Variants in MYO1D observed in about 807,000 individuals in gnomAD.
MYO1D encodes the protein unconventional myosin-Id.
A neutral mutation model predicts 122.0 loss-of-function variants in MYO1D; 83 were observed. That is an observed-to-expected ratio of 0.68 (90% CI 0.57 to 0.82). The LOEUF (loss-of-function observed/expected upper bound fraction) is 0.82. Ranked by LOEUF, MYO1D falls within the 40% of genes least tolerant of loss-of-function variation. The pLI is 0.00. For synonymous variants in MYO1D, 464 were observed against 446.9 expected (o/e 1.04, Z -0.48); for missense variants, 1,157 against 1,269.5 (o/e 0.91, Z 1.35).
Position 32,670,916 on chromosome 17 carries a change from G to A in MYO1D, c.2122-11578C>T, listed in dbSNP as rs552331491. 4.9e-4 allele frequency among the ~76,000 whole-genome samples: 74 copies of A among 152,250 alleles called. No individual in the cohort carries two copies. The South Asian group carries it at 0.015, about 32-fold the overall frequency. On this transcript the variant is annotated intron_variant, in intron 16 of 21. Transcript: ENST00000318217. ...ATGACCTCATTCTTCTTGGATGCAG[G>A]ACAAGAGCTTAGGACCAGATATTCA...
intron 21 of MYO1D, among the ~76,000 whole-genome samples, chr17:32,503,587 C>T (rs1909394367): frequency 6.6e-6 from 1 of 152,178 alleles, no homozygotes; most frequent in South Asian, 2.1e-4. Context: ...GCAATGTTCT[C>T]TCAAGTTTGG....
intron 17 of MYO1D, among the ~76,000 whole-genome samples, chr17:32,656,791 C>T (rs144138667): frequency 6.6e-6 from 1 of 152,220 alleles, no homozygotes; most frequent in Non-Finnish European, 1.5e-5. Flanking sequence ...TCTTACAATA[C>T]TCAGTGGCTT....
At chr17:32,785,278 T>G (rs1437761164) in intron 1 of MYO1D, among the ~76,000 whole-genome samples, 1 of 152,228 alleles carries the variant, frequency 6.6e-6, no homozygotes, top group Non-Finnish European at 1.5e-5. Context: ...GGTTGACTTC[T>G]TGAAATATAT....
chr17:32,803,721 A>G (rs1384080169), intron 1 of MYO1D, among the ~76,000 whole-genome samples: 2 of 152,228 alleles, frequency 1.3e-5, no homozygotes, highest in Non-Finnish European at 2.9e-5. Context: ...AGGATCCTGC[A>G]GTCAATTCTC....
At chr17:32,647,413 G>A (rs1436751688) in intron 19 of MYO1D, among the ~76,000 whole-genome samples, 2 of 152,196 alleles carry the variant, frequency 1.3e-5, no homozygotes. Flanking sequence ...ACATGAATAA[G>A]AATGCTTCAG....
At chr17:32,665,261 T>C (rs1360762082) in intron 16 of MYO1D, among the ~76,000 whole-genome samples, 2 of 152,078 alleles carry the variant, frequency 1.3e-5, no homozygotes, top group African/African-American at 4.8e-5. Context: ...GCTTTTTCTT[T>C]TTCCCCCAGC....
At chr17:32,867,644 A>C (rs1369526967) in intron 1 of MYO1D, among the ~76,000 whole-genome samples, 2 of 151,706 alleles carry the variant, frequency 1.3e-5, no homozygotes, top group East Asian at 3.9e-4. Context: ...TAAAAATGCA[A>C]AAATCAGCTG....
intron 20 of MYO1D, among the ~76,000 whole-genome samples, chr17:32,616,482 C>CT (rs552603493): frequency 0.51 from 68,818 of 135,522 alleles, 17,731 homozygotes; most frequent in African/African-American, 0.64. Context: ...TAATTAAAAA[C>CT]TTTTTTTTTT....
In MYO1D at chr17:32,760,321, TC is replaced by T; in HGVS notation, c.1264del (p.Glu422AsnfsTer40). 6.2e-7 allele frequency: 1 copy of T among 1,611,940 alleles called. No individual in the cohort carries two copies. The highest frequency in any genetic ancestry group is 8.5e-7 in the Non-Finnish European group (1 of 1,178,364). ...IQLVLKQEQE[E>X]YQREGIPWKH... Reference sequence around the variant, plus strand: ...CCAGGGGATCCCTTCCCGCTGGTATTCCTCTTGTTCTTGCTTCAGAACCAGC... The same window carrying T: ...CCAGGGGATCCCTTCCCGCTGGTATTCTCTTGTTCTTGCTTCAGAACCAGC... On this transcript the variant is annotated frameshift_variant, in exon 10 of 22. Transcript: ENST00000318217. LOFTEE classifies it high-confidence loss of function.
At chr17:32,655,971 G>A (rs911231876) in intron 17 of MYO1D, among the ~76,000 whole-genome samples, 4 of 152,166 alleles carry the variant, frequency 2.6e-5, no homozygotes, top group Non-Finnish European at 5.9e-5. Context: ...AGATGTGGGG[G>A]CCAGAGAGGA....
chr17:32,683,534 T>G (rs2088955795), intron 16 of MYO1D, among the ~76,000 whole-genome samples: 1 of 151,928 alleles, frequency 6.6e-6, no homozygotes, highest in African/African-American at 2.4e-5. Flanking sequence ...GTGCCCCTGC[T>G]GGGGGGTGCC....
chr17:32,722,573 G>A (rs534565850), intron 14 of MYO1D, among the ~76,000 whole-genome samples: 1 of 152,192 alleles, frequency 6.6e-6, no homozygotes, highest in African/African-American at 2.4e-5. Flanking sequence ...AAGGACTCGT[G>A]ATAGCACTGG....
chr17:32,771,189 C>T lies in MYO1D; in HGVS notation c.650G>A (p.Arg217His), dbSNP rs773457917. 5 of 1,611,460 alleles carry T rather than the reference C, an allele frequency of 3.1e-6. No homozygotes were observed. Among genetic ancestry groups the T allele is most frequent in the African/African-American group, 1.3e-5 (1 of 74,830 alleles). The part of the protein sequence containing the change: ...LLQGGSEQML[R>H]SLHLQKSLSS... ...AAGGGATTTCTGGAGATGTAGAGAG[C>T]GTAGCATTTGTTCTGAACCTCCTTG... Residue 217 changes from arginine (R) to histidine (H), a missense_variant, in exon 6 of 22, where the codon CGC becomes CAC. Physicochemically the swap from Arg to His is conservative, Grantham distance 29. Transcript: ENST00000318217.
intron 11 of MYO1D, among the ~76,000 whole-genome samples, chr17:32,752,106 A>G (rs1038076060): frequency 6.6e-6 from 1 of 152,192 alleles, no homozygotes; most frequent in African/African-American, 2.4e-5. Context: ...CACAACAGAG[A>G]GCCCAGAAAT....
chr17:32,540,327 C>CAAAA (rs34076937), intron 21 of MYO1D, among the ~76,000 whole-genome samples: 18 of 69,820 alleles, frequency 2.6e-4, no homozygotes, highest in African/African-American at 9.2e-4. Context: ...GAGACTATCT[C>CAAAA]AAAAAAAAAA....
chr17:32,702,949 C>A (rs1170742407), intron 16 of MYO1D, among the ~76,000 whole-genome samples: 1 of 152,222 alleles, frequency 6.6e-6, no homozygotes, highest in Non-Finnish European at 1.5e-5. Flanking sequence ...AAAGAGTTGA[C>A]AGTTCTTGCT....
chr17:32,745,598 A>G (rs1165894957), intron 12 of MYO1D: 2 of 241,156 alleles, frequency 8.3e-6, no homozygotes, highest in Non-Finnish European at 1.6e-5. Context: ...ACAGCAACAT[A>G]CAGGAACTAA....
intron 15 of MYO1D, among the ~76,000 whole-genome samples, chr17:32,714,263 C>T (rs1003506436): frequency 9.9e-5 from 15 of 151,326 alleles, no homozygotes; most frequent in Non-Finnish European, 5.9e-5. Context: ...TTATTCACCC[C>T]GATATGTCCA....
At chr17:32,811,427 C>G (rs1404369977) in intron 1 of MYO1D, among the ~76,000 whole-genome samples, 2 of 152,184 alleles carry the variant, frequency 1.3e-5, no homozygotes, top group Non-Finnish European at 2.9e-5. Context: ...TCCATCCCCG[C>G]TACTCCAGCC....
Sources: gnomAD v4.1 joint callset for allele counts (sites outside exome capture counted in the v4.1 genomes callset) on GRCh38, gnomAD v4.1.1 for gene constraint, MANE v1.5 for transcripts, NCBI Gene and HGNC (gene_info 2026-07-23, HGNC 2026-07-21) for gene names.